The following FIP1L1 variants were observed in gnomAD, a reference collection of about 807,000 sequenced individuals.
The protein encoded by FIP1L1 is factor interacting with PAPOLA and CPSF1.
A neutral mutation model predicts 84.6 loss-of-function variants in FIP1L1; 21 were observed. That is an observed-to-expected ratio of 0.25 (90% CI 0.18 to 0.36). The LOEUF (loss-of-function observed/expected upper bound fraction) is 0.36, where lower values mean the gene tolerates loss of function less well. FIP1L1 is among the 10% of genes least tolerant of loss of function. The pLI is 1.00. For synonymous variants in FIP1L1, 263 were observed against 242.3 expected, an observed-to-expected ratio of 1.09 and a Z score of -0.80; for missense variants, 526 against 751.1, an observed-to-expected ratio of 0.70 and a Z score of 3.50.
intron 6 of FIP1L1, 117 bp downstream of exon 6, chr4:53,389,990 G>A: frequency 1.4e-6 from 1 of 706,960 alleles, no homozygotes; most frequent in South Asian, 2.0e-5. Flanking sequence ...TCAGGCTGGA[G>A]TACAGTGGCG....
At chr4:53,458,099 C>T (rs1449917100) in intron 16 of FIP1L1, among the ~76,000 whole-genome samples, 6 of 152,080 alleles carry the variant, frequency 3.9e-5, no homozygotes, top group Admixed American at 3.9e-4. Context: ...GCTTTGATGT[C>T]TCTGTTCTTT....
rs775077951 is a variant in FIP1L1, at chr4:53,425,900, G to A, written c.952G>A (p.Gly318Ser). 1 of 1,609,980 alleles carries A rather than the reference G, an allele frequency of 6.2e-7. No homozygotes were observed. Among genetic ancestry groups the A allele is most frequent in the Non-Finnish European group, 8.5e-7 (1 of 1,177,382 alleles). Residue 318 changes from glycine to serine, a missense_variant, in exon 12 of 18, where the codon GGT (glycine) becomes AGT (serine). Coordinates refer to ENST00000337488, the MANE Select transcript of FIP1L1 (RefSeq NM_030917.4). Reference sequence around the variant, plus strand: ...ATTACCTGGGGCAATTGATGTTATCGGTCAGACTATAACTATCAGCCGAGT... The same window carrying A: ...ATTACCTGGGGCAATTGATGTTATCAGTCAGACTATAACTATCAGCCGAGT... ...RRLPGAIDVI[G>S]QTITISRVEG...
At position 53,460,229 on chromosome 4, in the gene FIP1L1, A is replaced by AGTT. The variant is rs1420876436; in HGVS notation, c.*781_*783dup. 1 of 194,018 alleles carries AGTT rather than the reference A, an allele frequency of 5.2e-6. No individual in the cohort carries two copies. The highest frequency in any genetic ancestry group is 1.1e-5 in the Non-Finnish European group (1 of 93,194). 12.0% of individuals were successfully genotyped at this position (194,018 alleles called of 1,614,324 possible). The stretch of plus-strand genomic sequence containing the variant: ...GGTGGAGCAGCATGAGTTTTTATAC[A>AGTT]GTTACTAACGATTGTGGAAAAAAAG... On this transcript the variant is annotated 3_prime_UTR_variant, in exon 18 of 18. Transcript: ENST00000337488.
At chr4:53,399,880 G>C (rs1476113861) in intron 10 of FIP1L1, 41 bp downstream of exon 10, 2 of 1,287,094 alleles carry the variant, frequency 1.6e-6, no homozygotes, top group South Asian at 1.2e-5. Context: ...TACGACATTG[G>C]TATCTTTACA....
intron 17 of FIP1L1, 38 bp from the exon 18 acceptor site, chr4:53,459,264 A>T (rs1246434305): frequency 1.4e-6 from 2 of 1,432,160 alleles, no homozygotes; most frequent in Non-Finnish European, 1.9e-6. Context: ...TTGTGTATTT[A>T]AACAGAACAC....
At chr4:53,392,730 A>C (rs1328470873) in intron 9 of FIP1L1, among the ~76,000 whole-genome samples, 1 of 152,216 alleles carries the variant, frequency 6.6e-6, no homozygotes, top group Non-Finnish European at 1.5e-5. Context: ...AATAAAAAGA[A>C]ACTCCTAGGG....
chr4:53,459,804 A>G lies in FIP1L1; in HGVS notation c.*355A>G. The G allele has an allele frequency of 3.2e-6, 1 of 308,424 alleles. No homozygotes were observed. 19.1% of individuals were successfully genotyped at this position (308,424 alleles called of 1,614,324 possible). On this transcript the variant is annotated 3_prime_UTR_variant, in exon 18 of 18. Transcript: ENST00000337488. ...ACAGTTTTTTTGTTAATCAAACACC[A>G]CTCTCTTAAGAGGCTGCATCACAAA...
At chr4:53,391,172 T>A in intron 8 of FIP1L1, 33 bp downstream of exon 8, 1 of 1,579,168 alleles carries the variant, frequency 6.3e-7, no homozygotes, top group Non-Finnish European at 8.6e-7. Flanking sequence ...TACCCTTGGC[T>A]TGTCTACCGT....
At chr4:53,430,546 A>G (rs1023002887) in intron 13 of FIP1L1, among the ~76,000 whole-genome samples, 1 of 151,790 alleles carries the variant, frequency 6.6e-6, no homozygotes, top group Non-Finnish European at 1.5e-5. Context: ...CGCCATGTCC[A>G]GGCTGGTCTT....
intron 3 of FIP1L1, 23 bp from the exon 4 acceptor site, chr4:53,382,255 A>T: frequency 1.3e-6 from 2 of 1,574,080 alleles, no homozygotes; most frequent in Non-Finnish European, 1.7e-6. Flanking sequence ...CCTGACATGT[A>T]TACTTACTTT....
Position 53,377,884 on chromosome 4 carries a change from G to C in FIP1L1, c.46G>C (p.Gly16Arg). 2 of 1,600,944 alleles carry C rather than the reference G, an allele frequency of 1.2e-6. No homozygotes were observed. The highest frequency in any genetic ancestry group is 1.7e-6 in the Non-Finnish European group (2 of 1,173,756). The change falls in exon 1 of 18, where the codon GGG (glycine) becomes CGG (arginine). Residue 16 changes from glycine to arginine, a missense_variant. This residue lies in a region of FIP1L1 where 100 missense variants were observed against 107.2 expected (regional missense o/e 0.93). Transcript: ENST00000337488. ...VERLVSELSGGTGGDEEEEWL... is the reference protein window; with the variant it reads ...VERLVSELSGRTGGDEEEEWL... ...GCGCCTAGTGTCGGAGCTGAGCGGC[G>C]GGACCGGAGGGGATGAGGAGGAAGA...
chr4:53,452,771 C>G (rs1413416853), intron 15 of FIP1L1, 149 bp from the exon 16 acceptor site: 1 of 606,210 alleles, frequency 1.6e-6, no homozygotes, highest in Non-Finnish European at 2.9e-6. Context: ...TGGATCTTCC[C>G]GATACTGTGG....
chr4:53,391,350 C>A, intron 8 of FIP1L1, 80 bp from the exon 9 acceptor site: 1 of 1,281,716 alleles, frequency 7.8e-7, no homozygotes, highest in Non-Finnish European at 1.1e-6. Context: ...CACAGACTAG[C>A]CACAGCTAGT....
intron 6 of FIP1L1, among the ~76,000 whole-genome samples, chr4:53,390,077 T>C (rs1268883842): frequency 6.6e-6 from 1 of 152,084 alleles, no homozygotes; most frequent in African/African-American, 2.4e-5. Flanking sequence ...TAGCTGGGAC[T>C]GCGGGCGTGC....
Position 53,396,657 on chromosome 4 carries a change from G to A in FIP1L1, c.706-3073G>A, listed in dbSNP as rs140105579. On this transcript the variant is annotated intron_variant, in intron 9 of 17. Transcript: ENST00000337488. The stretch of plus-strand genomic sequence containing the variant: ...CTGACCTCGTGATCCACCCACCTCG[G>A]CCTCCCAAAGCGCTGGGATTACAGG... 6.5e-3 allele frequency among the ~76,000 whole-genome samples: 997 copies of A among 152,226 alleles called. 12 individuals are homozygous for A. The highest frequency in any genetic ancestry group is 0.023 in the African/African-American group (962 of 41,512).
chr4:53,438,425 AGTAATT>A, intron 13 of FIP1L1, among the ~76,000 whole-genome samples: 1 of 152,356 alleles, frequency 6.6e-6, no homozygotes, highest in East Asian at 1.9e-4. Flanking sequence ...AAATACATTC[AGTAATT>A]GTCAAAGAAT....
At chr4:53,378,976 G>C in intron 1 of FIP1L1, 97 bp from the exon 2 acceptor site, 1 of 1,202,630 alleles carries the variant, frequency 8.3e-7, no homozygotes, top group Non-Finnish European at 1.2e-6. Context: ...TTAAATTTAA[G>C]CTTATTTTTA....
chr4:53,436,374 T>C (rs1205418783), intron 13 of FIP1L1, among the ~76,000 whole-genome samples: 1 of 152,212 alleles, frequency 6.6e-6, no homozygotes, highest in Non-Finnish European at 1.5e-5. Context: ...GATTTTGTTT[T>C]TTTCTAGGCT....
chr4:53,410,627 C>T (rs1239385389), intron 10 of FIP1L1, among the ~76,000 whole-genome samples: 1 of 152,030 alleles, frequency 6.6e-6, no homozygotes, highest in African/African-American at 2.4e-5. Context: ...AAATAAACAG[C>T]AAGTAATAAG....
Sources: allele counts gnomAD v4.1 joint callset (sites outside exome capture counted in the v4.1 genomes callset), GRCh38; gene constraint gnomAD v4.1.1; regional missense constraint gnomAD v4.1.1; transcripts MANE v1.5; gene names NCBI Gene and HGNC (gene_info 2026-07-23, HGNC 2026-07-21).